AIRIM: variants seen among roughly 807,000 people sequenced by gnomAD.
The protein encoded by AIRIM is AFG2-interacting ribosome maturation factor.
At chr1:37,689,052 C>G in the AIRIM span, among the ~76,000 whole-genome samples, 31 of 151,494 alleles carry the variant, frequency 2.0e-4, no homozygotes, top group South Asian at 6.3e-3. Context: ...TACTCCTGGG[C>G]ACAGAGACAC....
the AIRIM span, among the ~76,000 whole-genome samples, chr1:37,686,974 T>C: frequency 6.6e-6 from 1 of 151,910 alleles, no homozygotes; most frequent in East Asian, 2.0e-4. Context: ...CGAGAATCAC[T>C]TGAACCCAGA....
the AIRIM span, among the ~76,000 whole-genome samples, chr1:37,685,909 T>C: frequency 1.3e-5 from 2 of 152,174 alleles, no homozygotes; most frequent in Admixed American, 6.6e-5. Flanking sequence ...CTTACCCTCT[T>C]CAGATCTCTG....
chr1:37,683,547 T>C, the AIRIM span: 1 of 1,302,920 alleles, frequency 7.7e-7, no homozygotes. Flanking sequence ...CAGATATCCT[T>C]ACATTTTACC....
chr1:37,689,465 A>T, the AIRIM span: 1 of 1,011,670 alleles, frequency 9.9e-7, no homozygotes, highest in Non-Finnish European at 1.4e-6. Flanking sequence ...CCACTGCCCC[A>T]GATGAAGTAA....
chr1:37,686,529 A>T, the AIRIM span: 4 of 1,411,284 alleles, frequency 2.8e-6, no homozygotes, highest in East Asian at 4.8e-5. Flanking sequence ...GGCACTACTG[A>T]TATTTTGGAC....
the AIRIM span, chr1:37,682,950 TC>T: frequency 1.5e-6 from 1 of 666,612 alleles, no homozygotes; most frequent in South Asian, 2.0e-5. Flanking sequence ...ATGCTGCAGC[TC>T]CAAAATCAGA....
At chr1:37,682,977 C>A in the AIRIM span, 2 of 811,640 alleles carry the variant, frequency 2.5e-6, no homozygotes, top group Non-Finnish European at 4.0e-6. Context: ...AGGCGCTAAT[C>A]CTCCCCAAGA....
At chr1:37,686,477 G>A in the AIRIM span, 10 of 1,604,542 alleles carry the variant, frequency 6.2e-6, no homozygotes, top group Non-Finnish European at 6.8e-6. Flanking sequence ...CTGACATTAG[G>A]CAATATCATG....
At chr1:37,683,422 C>T in the AIRIM span, 8 of 1,613,844 alleles carry the variant, frequency 5.0e-6, no homozygotes, top group Non-Finnish European at 6.8e-6. Context: ...AAAGAAGATA[C>T]TTTCTCTTCA....
At chr1:37,684,872 GAGA>G in the AIRIM span, among the ~76,000 whole-genome samples, 1 of 152,030 alleles carries the variant, frequency 6.6e-6, no homozygotes, top group African/African-American at 2.4e-5. Context: ...CAAGAATTGA[GAGA>G]AGACCAGGCA....
the AIRIM span, chr1:37,682,191 G>GA: frequency 1.3e-5 from 2 of 151,944 alleles, no homozygotes; most frequent in Non-Finnish European, 2.9e-5. Context: ...TCACTTATAA[G>GA]AAAAAAAGTT....
chr1:37,683,227 C>CCTGTG, the AIRIM span: 1 of 1,605,424 alleles, frequency 6.2e-7, no homozygotes, highest in South Asian at 1.1e-5. Context: ...CACAGAGGCA[C>CCTGTG]AGCAAGGGCA....
the AIRIM span, chr1:37,690,902 A>C: frequency 6.6e-6 from 1 of 152,668 alleles, no homozygotes; most frequent in Non-Finnish European, 1.5e-5. Context: ...ATGCAGGTGG[A>C]CGTCCTAGGT....
the AIRIM span, chr1:37,686,146 G>A: frequency 1.1e-6 from 1 of 872,120 alleles, no homozygotes; most frequent in Non-Finnish European, 1.7e-6. Flanking sequence ...AGGAATGCAG[G>A]AAGAATCCAA....
At chr1:37,683,487 G>T in the AIRIM span, 2 of 1,563,426 alleles carry the variant, frequency 1.3e-6, no homozygotes, top group South Asian at 1.2e-5. Context: ...ATGCTGAAGT[G>T]AAAAAAAACA....
the AIRIM span, chr1:37,690,572 C>G: frequency 8.1e-6 from 8 of 985,396 alleles, no homozygotes; most frequent in Non-Finnish European, 9.2e-6. Context: ...GCGGGCCTGC[C>G]TGGCTACTGA....
the AIRIM span, chr1:37,683,498 C>A: frequency 1.9e-6 from 3 of 1,569,496 alleles, no homozygotes; most frequent in South Asian, 3.5e-5. Context: ...AAAAAAAACA[C>A]CCTGGTGAGA....
the AIRIM span, chr1:37,686,354 A>T: frequency 6.2e-7 from 1 of 1,614,134 alleles, no homozygotes; most frequent in Non-Finnish European, 8.5e-7. Context: ...AGGCTGCAGG[A>T]CAGCATCAAT....
the AIRIM span, chr1:37,683,229 G>A: frequency 6.2e-7 from 1 of 1,608,412 alleles, no homozygotes; most frequent in East Asian, 2.2e-5. Flanking sequence ...CAGAGGCACA[G>A]CAAGGGCACC....
Sources: allele counts gnomAD v4.1 joint callset (sites outside exome capture counted in the v4.1 genomes callset), GRCh38; gene constraint gnomAD v4.1.1; transcripts MANE v1.5; gene names NCBI Gene and HGNC (gene_info 2026-07-23, HGNC 2026-07-21).